The following UBE2A variants were observed in gnomAD, a reference collection of about 807,000 sequenced individuals.
The protein encoded by UBE2A is ubiquitin conjugating enzyme E2 A.
For synonymous variants in UBE2A, 39 were observed against 41.1 expected, an observed-to-expected ratio of 0.95 and a Z score of 0.20; for missense variants, 27 against 125.8, an observed-to-expected ratio of 0.21 and a Z score of 3.76.
intron 3 of UBE2A, among the ~76,000 whole-genome samples, chrX:119,578,846 C>T (rs898825097): frequency 4.5e-5 from 5 of 111,528 alleles, no homozygotes; most frequent in Admixed American, 2.9e-4. Flanking sequence ...TTAGCCTCCT[C>T]GGGAAGATGA....
chrX:119,582,556 T>TA, intron 4 of UBE2A, 32 bp from the exon 5 acceptor site: 2 of 1,078,015 alleles, frequency 1.9e-6, no homozygotes, highest in Non-Finnish European at 2.6e-6. Flanking sequence ...GTGGTCTTGT[T>TA]ACGTTTAATG....
In UBE2A at chrX:119,584,217, G is replaced by A. The variant is rs1468093311; in HGVS notation, c.*962G>A. 1.8e-5 allele frequency: 2 copies of A among 112,032 alleles called. No homozygotes were observed. The highest frequency in any genetic ancestry group is 5.6e-4 in the East Asian group (2 of 3,586). 9.2% of individuals were successfully genotyped at this position (112,032 alleles called of 1,213,427 possible). A position where few individuals can be genotyped will look rare whatever the true frequency, so the allele number is the denominator to read the frequency against. ...TCTGAGAACCTTAAAGCCAATGTCT[G>A]CGATCTTTTTTTGGATATTTATACT... is the stretch of plus-strand genomic sequence containing the variant. On this transcript the variant is annotated 3_prime_UTR_variant, in exon 6 of 6. Transcript: ENST00000371558.
chrX:119,582,798 A>G lies in UBE2A; in HGVS notation c.330+122A>G. ...TTTTTGGTCAAAGCTTGTTTGTTTT[A>G]TAGATGAAAAGTAGACCATTAAGAC... On this transcript the variant is annotated intron_variant, in intron 5 of 5. Transcript: ENST00000371558. 9 of 652,232 alleles carry G rather than the reference A, an allele frequency of 1.4e-5. No homozygotes were observed. The South Asian group carries it at 1.5e-4, about 11-fold the overall frequency. 53.8% of individuals were successfully genotyped at this position (652,232 alleles called of 1,213,427 possible). A position where few individuals can be genotyped will look rare whatever the true frequency, so the allele number is the denominator to read the frequency against.
intron 3 of UBE2A, among the ~76,000 whole-genome samples, chrX:119,576,096 C>G (rs1260182084): frequency 8.9e-6 from 1 of 112,394 alleles, no homozygotes; most frequent in Non-Finnish European, 1.9e-5. Context: ...GAAAGTACTA[C>G]ATGTACCAGT....
chrX:119,575,179 G>A, intron 2 of UBE2A, 196 bp from the exon 3 acceptor site: 1 of 748,201 alleles, frequency 1.3e-6, no homozygotes, highest in Non-Finnish European at 2.0e-6. Context: ...GGGGTTCTAG[G>A]GGGGCGGGGC....
At chrX:119,581,682 CTGAG>C in intron 4 of UBE2A, 86 bp downstream of exon 4, 4 of 785,012 alleles carry the variant, frequency 5.1e-6, no homozygotes, top group Non-Finnish European at 7.7e-6. Flanking sequence ...TTTGTGGTGC[CTGAG>C]TATTTGTTTA....
intron 4 of UBE2A, among the ~76,000 whole-genome samples, chrX:119,581,885 C>A (rs1479810492): frequency 8.9e-6 from 1 of 112,338 alleles, no homozygotes; most frequent in African/African-American, 3.2e-5. Flanking sequence ...TAATGCTAGG[C>A]CAGATTGGGA....
chrX:119,582,769 T>C, intron 5 of UBE2A, 93 bp downstream of exon 5: 2 of 771,122 alleles, frequency 2.6e-6, no homozygotes, highest in Non-Finnish European at 1.9e-6. Context: ...AATAGATCTT[T>C]TTATTTTTGG....
At chrX:119,576,504 TACAC>T (rs748580325) in intron 3 of UBE2A, among the ~76,000 whole-genome samples, 34 of 107,322 alleles carry the variant, frequency 3.2e-4, no homozygotes, top group Non-Finnish European at 6.0e-4. Flanking sequence ...ATAGCATTTA[TACAC>T]ACACACACAC....
chrX:119,580,287 C>G (rs770283610), intron 3 of UBE2A: 1 of 112,064 alleles, frequency 8.9e-6, no homozygotes, highest in Admixed American at 9.5e-5. Context: ...TTGCTAAAAA[C>G]AAACTTTTTG....
intron 3 of UBE2A, chrX:119,581,090 A>G: frequency 8.6e-6 from 1 of 116,503 alleles, no homozygotes; most frequent in Non-Finnish European, 1.8e-5. Flanking sequence ...TGGTTTTTGA[A>G]CCATTGTGCT....
chrX:119,581,026 A>G (rs1187435568), intron 3 of UBE2A: 1 of 113,845 alleles, frequency 8.8e-6, no homozygotes, highest in Non-Finnish European at 1.8e-5. Flanking sequence ...ACACTTTTAT[A>G]CTTATTCCCT....
At chrX:119,582,437 A>T (rs1387188047) in intron 4 of UBE2A, 151 bp from the exon 5 acceptor site, 3 of 408,737 alleles carry the variant, frequency 7.3e-6, no homozygotes, top group Non-Finnish European at 8.7e-6. Flanking sequence ...AGTGGTGGTT[A>T]TGACTTATCT....
intron 3 of UBE2A, among the ~76,000 whole-genome samples, chrX:119,578,228 C>T (rs7876612): frequency 0.044 from 4,910 of 111,412 alleles, 97 homozygotes; most frequent in South Asian, 0.092. Flanking sequence ...TTCTCAAGAG[C>T]TTACACTACC....
chrX:119,575,654 G>C (rs1342639298), intron 3 of UBE2A: 1 of 372,898 alleles, frequency 2.7e-6, no homozygotes, highest in Non-Finnish European at 4.7e-6. Context: ...AGCAATCATA[G>C]CACTGGTATT....
At chrX:119,575,645 G>A (rs2053411723) in intron 3 of UBE2A, 2 of 390,363 alleles carry the variant, frequency 5.1e-6, no homozygotes, top group Non-Finnish European at 8.9e-6. Flanking sequence ...TTTAAAAGGA[G>A]CAATCATAGC....
At chrX:119,576,504 T>TACACACACAC (rs748580325) in intron 3 of UBE2A, among the ~76,000 whole-genome samples, 1 of 107,303 alleles carries the variant, frequency 9.3e-6, no homozygotes, top group Non-Finnish European at 1.9e-5. Flanking sequence ...ATAGCATTTA[T>TACACACACAC]ACACACACAC....
Position 119,584,226 on chromosome X carries a change from T to C in UBE2A, c.*971T>C, listed in dbSNP as rs1225557545. The C allele has an allele frequency of 1.8e-5, 2 of 112,222 alleles. No individual in the cohort carries two copies. The highest frequency in any genetic ancestry group is 5.5e-4 in the East Asian group (2 of 3,604). The allele number at this position is 112,222 out of a possible 1,213,427, so 9.2% of individuals were successfully genotyped here. A position where few individuals can be genotyped will look rare whatever the true frequency, so the allele number is the denominator to read the frequency against. On this transcript the variant is annotated 3_prime_UTR_variant, in exon 6 of 6. Transcript: ENST00000371558. Reference sequence around the variant, plus strand: ...CTTAAAGCCAATGTCTGCGATCTTTTTTTGGATATTTATACTTTTAGATAT... The same window carrying C: ...CTTAAAGCCAATGTCTGCGATCTTTCTTTGGATATTTATACTTTTAGATAT...
chrX:119,580,981 T>G lies in UBE2A; in HGVS notation c.152-526T>G, dbSNP rs180956632. ...CTTAAATTCAATTAAGTTTTCATTA[T>G]AGGGTCACTATGACATGAAAAGGAA... On this transcript the variant is annotated intron_variant, in intron 3 of 5. Coordinates refer to ENST00000371558, the MANE Select transcript of UBE2A (RefSeq NM_003336.4). 3 of 112,502 alleles carry G rather than the reference T, an allele frequency of 2.7e-5. 1 individual carries two copies. In the Admixed American group the frequency reaches 2.8e-4, roughly 11 times the overall value. 9.3% of individuals were successfully genotyped at this position (112,502 alleles called of 1,213,427 possible).
Sources: allele counts gnomAD v4.1 joint callset (sites outside exome capture counted in the v4.1 genomes callset), GRCh38; gene constraint gnomAD v4.1.1; transcripts MANE v1.5; gene names NCBI Gene and HGNC (gene_info 2026-07-23, HGNC 2026-07-21).